Variants in ERC1 observed in about 807,000 individuals in gnomAD.
ERC1 encodes RAB6 interacting protein 2.
Under a neutral mutation model 132.0 loss-of-function variants are expected in ERC1, and 56 were observed. That is an observed-to-expected ratio of 0.42 (90% CI 0.34 to 0.53). The LOEUF (loss-of-function observed/expected upper bound fraction) is 0.53, where lower values mean the gene tolerates loss of function less well. Among genes scored for constraint, ERC1 ranks in the 20% least tolerant of loss-of-function variants. The pLI is 0.03. For synonymous variants in ERC1, 478 were observed against 476.1 expected (o/e 1.00, Z -0.05); for missense variants, 1,202 against 1,349.9 (o/e 0.89, Z 1.72).
At chr12:1,157,987 A>T (rs1048213263) in intron 8 of ERC1, among the ~76,000 whole-genome samples, 29 of 152,194 alleles carry the variant, frequency 1.9e-4, no homozygotes, top group African/African-American at 7.0e-4. Flanking sequence ...AAATCAATTC[A>T]TTCATTATAA....
At chr12:1,218,410 G>A (rs568657987) in intron 12 of ERC1, among the ~76,000 whole-genome samples, 4 of 151,864 alleles carry the variant, frequency 2.6e-5, no homozygotes, top group East Asian at 1.9e-4. Context: ...AAAAAAAATC[G>A]TTCTCTTGAT....
At chr12:1,399,723 T>G (rs1300485098) in intron 16 of ERC1, among the ~76,000 whole-genome samples, 1 of 152,240 alleles carries the variant, frequency 6.6e-6, no homozygotes, top group African/African-American at 2.4e-5. Flanking sequence ...TATCAGTACT[T>G]CATTCCTTTT....
chr12:1,125,977 C>A (rs1593505819), intron 7 of ERC1, among the ~76,000 whole-genome samples: 1 of 152,030 alleles, frequency 6.6e-6, no homozygotes, highest in Non-Finnish European at 1.5e-5. Context: ...TGGTTACCAG[C>A]GGCTGGGAAG....
chr12:1,458,963 G>C (rs1356683341), intron 18 of ERC1, among the ~76,000 whole-genome samples: 2 of 152,198 alleles, frequency 1.3e-5, no homozygotes, highest in Non-Finnish European at 2.9e-5. Flanking sequence ...GCTGTGTGTG[G>C]GAAAGCACGT....
In ERC1 at chr12:1,310,493, G is replaced by T. The variant is rs558944123; in HGVS notation, c.2780+20481G>T. Among the ~76,000 whole-genome samples the T allele has an allele frequency of 2.0e-5, 3 of 152,320 alleles. No individual in the cohort carries two copies. The South Asian group carries it at 6.2e-4, about 32-fold the overall frequency. ...CAAAGTGCTGGAATTACAGGCAGGA[G>T]CCACACCGCGCCTGGCCATTTAAAC... On this transcript the variant is annotated intron_variant, in intron 15 of 18. Transcript: ENST00000360905.
At chr12:1,128,825 A>G (rs550279378) in intron 7 of ERC1, among the ~76,000 whole-genome samples, 4 of 152,364 alleles carry the variant, frequency 2.6e-5, no homozygotes, top group African/African-American at 9.6e-5. Context: ...GACATGAAAT[A>G]TATAGTAACT....
chr12:1,297,036 A>G (rs1354821977), intron 15 of ERC1, among the ~76,000 whole-genome samples: 1 of 152,140 alleles, frequency 6.6e-6, no homozygotes, highest in Non-Finnish European at 1.5e-5. Flanking sequence ...TAAAAAAATC[A>G]CAACTAGAAA....
chr12:1,376,047 C>A (rs1182506816), intron 16 of ERC1, among the ~76,000 whole-genome samples: 1 of 152,012 alleles, frequency 6.6e-6, no homozygotes, highest in African/African-American at 2.4e-5. Flanking sequence ...GGCTCTACTT[C>A]TTGGTTGTCT....
Position 1,157,073 on chromosome 12 carries a change from A to G in ERC1, c.1737+15286A>G, listed in dbSNP as rs539402572. On this transcript the variant is annotated intron_variant, in intron 8 of 18. Transcript: ENST00000360905. The stretch of plus-strand genomic sequence containing the variant: ...TCTCAGTTTTAGGTCACACTTTGAA[A>G]GTCCTTATACATGCCAAAGTCATTT... Among the ~76,000 whole-genome samples, 380 of 152,176 alleles carry G rather than the reference A, an allele frequency of 2.5e-3. 2 individuals are homozygous for G. Among genetic ancestry groups the G allele is most frequent in the African/African-American group, 8.4e-3 (347 of 41,516 alleles).
intron 16 of ERC1, among the ~76,000 whole-genome samples, chr12:1,392,298 G>T (rs1477722504): frequency 6.6e-6 from 1 of 152,196 alleles, no homozygotes; most frequent in Non-Finnish European, 1.5e-5. Context: ...AATTTGATCA[G>T]ATCTCATGAG....
intron 2 of ERC1, among the ~76,000 whole-genome samples, chr12:1,043,475 A>C (rs1002170247): frequency 2.0e-5 from 3 of 152,178 alleles, no homozygotes; most frequent in African/African-American, 7.2e-5. Context: ...ATTGGGTCTC[A>C]ATTGTTGGAA....
chr12:1,278,124 C>T (rs1436827551), intron 14 of ERC1, among the ~76,000 whole-genome samples: 2 of 152,176 alleles, frequency 1.3e-5, no homozygotes, highest in Non-Finnish European at 2.9e-5. Flanking sequence ...ACAAACCCCA[C>T]CACAGCCATT....
intron 5 of ERC1, among the ~76,000 whole-genome samples, chr12:1,111,055 A>G (rs1945801628): frequency 6.6e-6 from 1 of 152,082 alleles, no homozygotes; most frequent in Admixed American, 6.6e-5. Context: ...TTCCCCTCCA[A>G]ATACAGTTCT....
intron 2 of ERC1, among the ~76,000 whole-genome samples, chr12:1,054,690 A>G (rs1242282927): frequency 1.3e-5 from 2 of 152,112 alleles, no homozygotes; most frequent in Non-Finnish European, 2.9e-5. Flanking sequence ...CTTTGTTTCT[A>G]CACATTCTCT....
At chr12:1,120,043 A>G (rs182618780) in intron 7 of ERC1, among the ~76,000 whole-genome samples, 28 of 152,054 alleles carry the variant, frequency 1.8e-4, no homozygotes, top group African/African-American at 6.3e-4. Flanking sequence ...GCTGTAGTGC[A>G]GTGCCTTGAT....
At chr12:998,853 C>CTTTTTT (rs527367596) in intron 1 of ERC1, among the ~76,000 whole-genome samples, 7 of 102,476 alleles carry the variant, frequency 6.8e-5, no homozygotes, top group Admixed American at 2.2e-4. Context: ...TTCTCTGTCA[C>CTTTTTT]TTTTTTTTTT....
intron 2 of ERC1, among the ~76,000 whole-genome samples, chr12:1,049,845 C>T (rs1971632283): frequency 6.6e-6 from 1 of 151,172 alleles, no homozygotes; most frequent in Non-Finnish European, 1.5e-5. Flanking sequence ...CTCCACCTCC[C>T]GGGTTCAAGC....
chr12:1,231,261 G>A (rs1456007693), intron 12 of ERC1, among the ~76,000 whole-genome samples: 1 of 152,024 alleles, frequency 6.6e-6, no homozygotes, highest in East Asian at 1.9e-4. Flanking sequence ...CTGTTTTAAG[G>A]TTGTAATAAC....
chr12:991,426 T>C (rs1415249602), intron 1 of ERC1, 104 bp downstream of exon 1: 1 of 153,088 alleles, frequency 6.5e-6, no homozygotes, highest in African/African-American at 2.4e-5. Context: ...CCCAGCTTCT[T>C]GCTCACGGCC....
Sources: allele counts gnomAD v4.1 joint callset (sites outside exome capture counted in the v4.1 genomes callset), GRCh38; gene constraint gnomAD v4.1.1; transcripts MANE v1.5; gene names NCBI Gene and HGNC (gene_info 2026-07-23, HGNC 2026-07-21).